The following TRRAP variants were observed in gnomAD, a reference collection of about 807,000 sequenced individuals.
The protein encoded by TRRAP is transformation/transcription domain-associated protein.
Under a neutral mutation model 438.8 loss-of-function variants are expected in TRRAP, and 41 were observed. That is an observed-to-expected ratio of 0.09 (90% CI 0.07 to 0.12). TRRAP has a LOEUF of 0.12. Among genes scored for constraint, TRRAP ranks in the 10% least tolerant of loss-of-function variants. The pLI, the probability that TRRAP is intolerant of heterozygous loss-of-function variation, is 1.00. For synonymous variants in TRRAP, 1,994 were observed against 1,962.9 expected (o/e 1.02, Z -0.42); for missense variants, 3,122 against 5,055.1 (o/e 0.62, Z 11.60).
At chr7:98,950,308 G>T in intron 38 of TRRAP, 46 bp downstream of exon 38, 2 of 1,591,660 alleles carry the variant, frequency 1.3e-6, no homozygotes, top group Non-Finnish European at 1.7e-6. Context: ...TATTTGGTCT[G>T]GTTTTCTAGG....
chr7:98,891,237 A>C (rs1226680453), intron 4 of TRRAP, among the ~76,000 whole-genome samples: 48 of 116,756 alleles, frequency 4.1e-4, no homozygotes, highest in Non-Finnish European at 7.2e-4. Context: ...TGGGAGACGG[A>C]GTCTCGCTCT....
intron 30 of TRRAP, among the ~76,000 whole-genome samples, chr7:98,942,572 G>A (rs1171909227): frequency 6.6e-6 from 1 of 152,222 alleles, no homozygotes; most frequent in African/African-American, 2.4e-5. Flanking sequence ...GCTCCGCAAG[G>A]AGAGGGACAT....
intron 3 of TRRAP, among the ~76,000 whole-genome samples, chr7:98,886,455 T>C (rs560326228): frequency 6.6e-6 from 1 of 151,834 alleles, no homozygotes; most frequent in African/African-American, 2.4e-5. Context: ...TAGATAGATA[T>C]AGATATCTAG....
At chr7:98,979,483 C>G (rs1350521084) in intron 58 of TRRAP, among the ~76,000 whole-genome samples, 2 of 152,184 alleles carry the variant, frequency 1.3e-5, no homozygotes, top group African/African-American at 4.8e-5. Flanking sequence ...ATGCTTAGTA[C>G]AGATGCAGTT....
chr7:98,974,193 G>A (rs1346480952), intron 53 of TRRAP, among the ~76,000 whole-genome samples: 2 of 152,154 alleles, frequency 1.3e-5, no homozygotes, highest in Non-Finnish European at 2.9e-5. Context: ...GGAGAGGGTG[G>A]TGTCGTGTTA....
At chr7:98,916,904 G>T (rs782520554) in intron 19 of TRRAP, among the ~76,000 whole-genome samples, 14 of 152,100 alleles carry the variant, frequency 9.2e-5, no homozygotes, top group Non-Finnish European at 5.9e-5. Flanking sequence ...TGCCGTGCAG[G>T]ACGTGCCTTT....
chr7:98,940,527 A>G lies in TRRAP; in HGVS notation c.4405-2422A>G, dbSNP rs143542427. ...ATTCATTCAGTGAACATTGTTACCC[A>G]GATTTTTTTTTAGTGCAGTACGAAG... On this transcript the variant is annotated intron_variant, in intron 30 of 72. Transcript: ENST00000456197. Among the ~76,000 whole-genome samples the G allele has an allele frequency of 8.5e-4, 130 of 152,222 alleles. 3 individuals are homozygous for G. The East Asian group carries it at 0.021, about 25-fold the overall frequency.
rs1381037868 is a variant in TRRAP at position 98,956,532 on chromosome 7, C to T, written c.6230C>T (p.Ala2077Val). ...RFRTATGAIS[A>V]VFGRSQSLPG... ...AGGACGGCCACCGGAGCCATCAGTG[C>T]AGTAAGATCATGTGCCTCTGTATGG... The change falls in exon 43 of 73, where the codon GCA (alanine) becomes GTA (valine). Residue 2077 changes from alanine to valine, a missense_variant and splice_region_variant. Around this residue, in one of 24 missense-constraint regions of TRRAP, gnomAD observed 992 missense variants for 1,281.2 expected, o/e 0.77. Coordinates refer to ENST00000456197, the MANE Select transcript of TRRAP (RefSeq NM_001375524.1). This position sits in a 1 kb window ranked among gnomAD's most constrained non-coding sequence, Gnocchi z 4.5. 1 of 1,612,734 alleles carries T rather than the reference C, an allele frequency of 6.2e-7. No individual in the cohort carries two copies. Among genetic ancestry groups the T allele is most frequent in the Non-Finnish European group, 8.5e-7 (1 of 1,179,566 alleles).
At chr7:98,946,750 C>A (rs1276564915) in intron 33 of TRRAP, among the ~76,000 whole-genome samples, 1 of 152,246 alleles carries the variant, frequency 6.6e-6, no homozygotes, top group Non-Finnish European at 1.5e-5. Flanking sequence ...CGAGCTTTCC[C>A]TCTTGTGTAA....
intron 3 of TRRAP, among the ~76,000 whole-genome samples, chr7:98,885,550 A>G (rs1554403827): frequency 2.0e-5 from 3 of 152,072 alleles, no homozygotes; most frequent in Admixed American, 1.3e-4. Context: ...CTTTTTTTTA[A>G]TAGACATTTT....
intron 62 of TRRAP, among the ~76,000 whole-genome samples, chr7:98,985,293 A>T (rs905704612): frequency 1.3e-5 from 2 of 152,244 alleles, no homozygotes; most frequent in African/African-American, 2.4e-5. Context: ...ACTGCTGATA[A>T]CATGGATTCA....
Position 98,888,900 on chromosome 7 carries a change from T to G in TRRAP, c.151-1435T>G, listed in dbSNP as rs111289133. ...CCCCCATCTCTGAGGGCATGAATAT[T>G]ATGTGTTCTGTTCATTATTTTATCC... is the stretch of plus-strand genomic sequence containing the variant. On this transcript the variant is annotated intron_variant, in intron 3 of 72. Coordinates refer to ENST00000456197, the MANE Select transcript of TRRAP (RefSeq NM_001375524.1). Among the ~76,000 whole-genome samples the G allele has an allele frequency of 1.7e-3, 260 of 152,312 alleles. 2 individuals carry two copies. Among genetic ancestry groups the G allele is most frequent in the African/African-American group, 6.0e-3 (251 of 41,566 alleles).
At chr7:98,982,133 G>A (rs915733242) in intron 59 of TRRAP, among the ~76,000 whole-genome samples, 173 bp downstream of exon 59, 1 of 152,150 alleles carries the variant, frequency 6.6e-6, no homozygotes, top group Non-Finnish European at 1.5e-5. Context: ...CAGTTAAAAC[G>A]TTGAGAAAAA....
intron 3 of TRRAP, among the ~76,000 whole-genome samples, chr7:98,888,804 G>A (rs1795832330): frequency 6.6e-6 from 1 of 151,926 alleles, no homozygotes; most frequent in African/African-American, 2.4e-5. Flanking sequence ...TTAGTTGTTG[G>A]CATATCCCCC....
chr7:98,933,799 ACAT>A lies in TRRAP; in HGVS notation c.4014+400_4014+402del, dbSNP rs151250194. ...TGAAATGTGCCATGTGCTGTTGAGA[ACAT>A]CACACAAGTGCCCTAAGTTCTGACA... On this transcript the variant is annotated intron_variant, in intron 27 of 72. Transcript: ENST00000456197. Among the ~76,000 whole-genome samples, 1,210 of 152,340 alleles carry A rather than the reference ACAT, an allele frequency of 7.9e-3. 10 individuals carry two copies. The highest frequency in any genetic ancestry group is 0.025 in the African/African-American group (1,042 of 41,580).
rs1790522998 is a variant in TRRAP, at chr7:98,935,635, A to G, written c.4071A>G (p.Lys1357=). ...DSALTKLPCY[K]SLPSLVPLRI... Reference sequence around the variant, plus strand: ...CTTTAACAAAGCTGCCCTGTTATAAAAGCCTTCCGTCACTCGTACCTTTAC... The same window carrying G: ...CTTTAACAAAGCTGCCCTGTTATAAGAGCCTTCCGTCACTCGTACCTTTAC... Residue 1357 remains lysine, a synonymous_variant, in exon 28 of 73, where the codon AAA becomes AAG. Transcript: ENST00000456197. 2 of 1,605,420 alleles carry G rather than the reference A, an allele frequency of 1.2e-6. No homozygotes were observed. The highest frequency in any genetic ancestry group is 8.5e-7 in the Non-Finnish European group (1 of 1,172,862).
At chr7:99,003,317 C>T (rs1794017347) in intron 67 of TRRAP, among the ~76,000 whole-genome samples, 1 of 152,326 alleles carries the variant, frequency 6.6e-6, no homozygotes, top group Middle Eastern at 3.4e-3. Context: ...TGGCTTTTGC[C>T]ATTTTGGTAT....
chr7:98,994,498 G>A lies in TRRAP; in HGVS notation c.10048-89G>A. 3.2e-6 allele frequency: 5 copies of A among 1,563,790 alleles called. No homozygotes were observed. Among genetic ancestry groups the A allele is most frequent in the East Asian group, 2.2e-5 (1 of 44,526 alleles). On this transcript the variant is annotated intron_variant, in intron 66 of 72. Transcript: ENST00000456197. This position sits in a 1 kb window ranked among gnomAD's most constrained non-coding sequence, Gnocchi z 4.8. ...GGGAGTGCAGAGATGACCCTGGGCT[G>A]GGAGGGCCGCACTCAATAGGCGCTT...
chr7:98,939,212 T>A (rs1039025397), intron 30 of TRRAP, among the ~76,000 whole-genome samples: 1 of 152,228 alleles, frequency 6.6e-6, no homozygotes, highest in African/African-American at 2.4e-5. Flanking sequence ...CTGGAGCTAC[T>A]TTTTTATTTT....
Sources: allele counts gnomAD v4.1 joint callset (sites outside exome capture counted in the v4.1 genomes callset), GRCh38; gene constraint gnomAD v4.1.1; regional missense constraint gnomAD v4.1.1; non-coding constraint Gnocchi (gnomAD v3.1); transcripts MANE v1.5; gene names NCBI Gene and HGNC (gene_info 2026-07-23, HGNC 2026-07-21).